Variants in USP49 observed in about 807,000 individuals in gnomAD.
USP49 encodes the protein ubiquitin carboxyl-terminal hydrolase 49.
Under a neutral mutation model 58.6 loss-of-function variants are expected in USP49, and 24 were observed. The observed-to-expected ratio is 0.41, with a 90% confidence interval of 0.30 to 0.58. USP49 has a LOEUF of 0.58. USP49 is among the 20% of genes least tolerant of loss of function. The pLI is 0.30. For missense variants in USP49, 703 were observed against 866.1 expected, an observed-to-expected ratio of 0.81 and a Z score of 2.36; for synonymous variants, 408 against 365.1, an observed-to-expected ratio of 1.12 and a Z score of -1.34.
rs748268262 is a variant in USP49 at position 41,806,959 on chromosome 6, G to A, written c.25C>T (p.Arg9Trp). Residue 9 changes from arginine (R) to tryptophan (W), a missense_variant, in exon 4 of 8, where the codon CGG (arginine) becomes TGG (tryptophan). By Grantham distance (101) the Arg-to-Trp change is moderately radical. Around this residue, in one of 6 missense-constraint regions of USP49, gnomAD observed 376 missense variants for 373.5 expected, o/e 1.01. Coordinates refer to ENST00000682992, the MANE Select transcript of USP49 (RefSeq NM_001286554.2). This position sits in a 1 kb window ranked among gnomAD's most constrained non-coding sequence, Gnocchi z 5.9. Reference protein sequence around the residue: MDRCKHVGRLRLAQDHSIL... With the variant: MDRCKHVGWLRLAQDHSIL... The stretch of plus-strand genomic sequence containing the variant: ...GAGTGGTCCTGGGCGAGCCGTAACC[G>A]CCCTACATGTTTGCATCTATCCATG... 2 of 1,601,698 alleles carry A rather than the reference G, an allele frequency of 1.2e-6. No individual in the cohort carries two copies. Among genetic ancestry groups the A allele is most frequent in the Non-Finnish European group, 8.5e-7 (1 of 1,171,456 alleles).
chr6:41,865,803 C>CT (rs55695314), intron 3 of USP49, among the ~76,000 whole-genome samples: 57,802 of 118,892 alleles, frequency 0.49, 13,886 homozygotes, highest in Middle Eastern at 0.57. Flanking sequence ...CATGCCTGGC[C>CT]TTTTTTTTTT....
intron 2 of USP49, among the ~76,000 whole-genome samples, chr6:41,887,517 T>C (rs34966405): frequency 2.0e-5 from 3 of 152,150 alleles, no homozygotes; most frequent in South Asian, 2.1e-4. Context: ...TCAAGAACAG[T>C]AGCTCTAGGT....
At chr6:41,882,808 C>T (rs895985582) in intron 2 of USP49, among the ~76,000 whole-genome samples, 4 of 151,990 alleles carry the variant, frequency 2.6e-5, no homozygotes. Flanking sequence ...CCCAGCTACT[C>T]GGGAAGCTGA....
chr6:41,861,818 C>T (rs1774229041), intron 3 of USP49, among the ~76,000 whole-genome samples: 1 of 152,066 alleles, frequency 6.6e-6, no homozygotes, highest in Non-Finnish European at 1.5e-5. Flanking sequence ...CCTACCTCAG[C>T]CTCCCAAGTA....
chr6:41,825,357 A>G (rs1773519351), intron 3 of USP49, among the ~76,000 whole-genome samples: 1 of 152,150 alleles, frequency 6.6e-6, no homozygotes, highest in Admixed American at 6.6e-5. Flanking sequence ...AGGGAAAAGC[A>G]TGAATCATTG....
At chr6:41,854,137 T>A in intron 3 of USP49, among the ~76,000 whole-genome samples, 1 of 150,248 alleles carries the variant, frequency 6.7e-6, no homozygotes, top group Non-Finnish European at 1.5e-5. Context: ...GCCAACATGG[T>A]GAAACCCCAC....
rs953926801 is a variant in USP49 at position 41,791,114 on chromosome 6, T to C, written c.*5419A>G. ...ACAGTTTTGATAAAAACTTCCAAAATTGAAAATCAAAATCCAGCAAGAATT... is the reference window on the plus strand; with the variant it reads ...ACAGTTTTGATAAAAACTTCCAAAACTGAAAATCAAAATCCAGCAAGAATT... On this transcript the variant is annotated 3_prime_UTR_variant, in exon 8 of 8. Transcript: ENST00000682992. 1.3e-5 allele frequency: 2 copies of C among 152,186 alleles called. No individual in the cohort carries two copies. The highest frequency in any genetic ancestry group is 4.8e-5 in the African/African-American group (2 of 41,448). 9.4% of individuals were successfully genotyped at this position (152,186 alleles called of 1,614,324 possible).
chr6:41,873,519 G>A (rs187523564), intron 2 of USP49, among the ~76,000 whole-genome samples: 28 of 152,300 alleles, frequency 1.8e-4, no homozygotes, highest in East Asian at 1.3e-3. Flanking sequence ...TGAGGCAACC[G>A]TATCCATGAA....
chr6:41,871,204 T>G, intron 3 of USP49, among the ~76,000 whole-genome samples: 1 of 152,066 alleles, frequency 6.6e-6, no homozygotes, highest in Non-Finnish European at 1.5e-5. Context: ...TCATAGCAAC[T>G]GACATATTTG....
At chr6:41,863,306 A>C (rs1487451005) in intron 3 of USP49, among the ~76,000 whole-genome samples, 1 of 152,208 alleles carries the variant, frequency 6.6e-6, no homozygotes, top group Non-Finnish European at 1.5e-5. Context: ...AGCTCATTTA[A>C]GAGTATGAAT....
chr6:41,826,061 C>T (rs1030627569), intron 3 of USP49, among the ~76,000 whole-genome samples: 6 of 152,090 alleles, frequency 3.9e-5, no homozygotes, highest in African/African-American at 1.2e-4. Flanking sequence ...TCCAGGAGTT[C>T]GAGACCAGCC....
At chr6:41,894,487 C>A (rs1774862571) in intron 1 of USP49, 2 of 152,356 alleles carry the variant, frequency 1.3e-5, no homozygotes, top group South Asian at 2.1e-4. Flanking sequence ...TAACCCATTC[C>A]TTTCTCAGAA....
chr6:41,799,083 T>C (rs1381856460), intron 6 of USP49, among the ~76,000 whole-genome samples, 154 bp from the exon 7 acceptor site: 1 of 60,162 alleles, frequency 1.7e-5, no homozygotes, highest in Non-Finnish European at 4.9e-5. Flanking sequence ...TTCACACTTA[T>C]TTATTTATTT....
At chr6:41,811,731 A>G (rs758601357) in intron 3 of USP49, among the ~76,000 whole-genome samples, 11 of 152,214 alleles carry the variant, frequency 7.2e-5, no homozygotes, top group Non-Finnish European at 1.5e-4. Flanking sequence ...TTCTTAGTGC[A>G]CAGCCAAATC....
chr6:41,802,464 A>T (rs575012775), intron 5 of USP49, among the ~76,000 whole-genome samples: 5,076 of 71,432 alleles, frequency 0.071, 399 homozygotes, highest in Non-Finnish European at 0.081. Flanking sequence ...TTATTTATTT[A>T]TTTATTTTTT....
rs1278500073 is a variant in USP49 at position 41,853,999 on chromosome 6, CGAAAAAAAAAAAAAA to C, written c.-29+17550_-29+17564del. ...GGGCAACAACAGCGAGACTCTGTCT[CGAAAAAAAAAAAAAA>C]AAAAAAAAAGAAGCAGGGTAGGCCA... On this transcript the variant is annotated intron_variant, in intron 3 of 7. Transcript: ENST00000682992. 5.1e-5 allele frequency among the ~76,000 whole-genome samples: 3 copies of C among 58,870 alleles called. No individual in the cohort carries two copies. The East Asian group carries it at 1.6e-3, about 32-fold the overall frequency. The allele number at this position is 58,870 out of a possible 152,430, so 38.6% of individuals were successfully genotyped here.
At chr6:41,809,628 C>T (rs906274521) in intron 3 of USP49, among the ~76,000 whole-genome samples, 1 of 151,386 alleles carries the variant, frequency 6.6e-6, no homozygotes, top group African/African-American at 2.4e-5. Flanking sequence ...AGATCGAGAC[C>T]ATCCTGCCTA....
intron 2 of USP49, among the ~76,000 whole-genome samples, chr6:41,891,473 T>C (rs1025086626): frequency 3.9e-5 from 6 of 152,154 alleles, no homozygotes; most frequent in East Asian, 1.9e-4. Flanking sequence ...AGGATTGCCA[T>C]TGAGGAGTAA....
At chr6:41,836,374 A>G (rs1773727414) in intron 3 of USP49, among the ~76,000 whole-genome samples, 1 of 152,182 alleles carries the variant, frequency 6.6e-6, no homozygotes, top group Non-Finnish European at 1.5e-5. Flanking sequence ...ACGTATCTCA[A>G]AATAATAACA....
Sources: gnomAD v4.1 joint callset for allele counts (sites outside exome capture counted in the v4.1 genomes callset) on GRCh38, gnomAD v4.1.1 for gene constraint, gnomAD v4.1.1 regional missense constraint, Gnocchi (gnomAD v3.1) non-coding constraint, MANE v1.5 for transcripts, NCBI Gene and HGNC (gene_info 2026-07-23, HGNC 2026-07-21) for gene names.